Variants in NF2 observed in about 807,000 individuals in gnomAD.
NF2 encodes the protein NF2, moesin-ezrin-radixin like (MERLIN) tumor suppressor, also known as merlin.
Under a neutral mutation model 83.7 loss-of-function variants are expected in NF2, and 8 were observed. The ratio of observed to expected loss-of-function variants is 0.10; its 90% CI spans 0.06 to 0.17. The LOEUF (loss-of-function observed/expected upper bound fraction) is 0.17, where lower values mean the gene tolerates loss of function less well. NF2 is among the 10% of genes least tolerant of loss of function. The pLI is 1.00. For synonymous variants in NF2, 266 were observed against 269.6 expected (o/e 0.99, Z 0.13); for missense variants, 533 against 744.4 (o/e 0.72, Z 3.31).
At chr22:29,664,681 A>G (rs760546837) in intron 8 of NF2, among the ~76,000 whole-genome samples, 1 of 152,226 alleles carries the variant, frequency 6.6e-6, no homozygotes, top group African/African-American at 2.4e-5. Context: ...CCTCGACTAC[A>G]GTAGCCCTCC....
intron 4 of NF2, among the ~76,000 whole-genome samples, chr22:29,653,659 C>A (rs2066218723): frequency 6.6e-6 from 1 of 152,116 alleles, no homozygotes; most frequent in African/African-American, 2.4e-5. Context: ...TAGGCCGCTT[C>A]ATTTGGAGAA....
chr22:29,685,649 G>T (rs1312098880), intron 15 of NF2, among the ~76,000 whole-genome samples: 1 of 152,106 alleles, frequency 6.6e-6, no homozygotes, highest in African/African-American at 2.4e-5. Context: ...GAGCTCAAGT[G>T]ATCTTCCTGC....
rs2147011157 is a variant in NF2, at chr22:29,661,329, G to C, written c.800G>C (p.Ser267Thr). The change falls in exon 8 of 16, where the codon AGT becomes ACT. Residue 267 changes from serine (S) to threonine (T), a missense_variant. Ser to Thr is a moderately conservative substitution (Grantham distance 58, BLOSUM62 1). Transcript: ENST00000338641. ...PWNEIRNISY[S>T]DKEFTIKPLD... ...AATGAAATCCGAAACATCTCGTACA[G>C]TGACAAGGAGGTAGGACATGTGTGT... 2 of 1,614,090 alleles carry C rather than the reference G, an allele frequency of 1.2e-6. No individual in the cohort carries two copies. Among genetic ancestry groups the C allele is most frequent in the Non-Finnish European group, 1.7e-6 (2 of 1,180,038 alleles).
At chr22:29,667,887 A>G (rs2066670839) in intron 9 of NF2, among the ~76,000 whole-genome samples, 1 of 151,668 alleles carries the variant, frequency 6.6e-6, no homozygotes, top group Non-Finnish European at 1.5e-5. Flanking sequence ...TCAAGGGCTT[A>G]ATCTTTGCAT....
chr22:29,665,141 CAG>C, intron 9 of NF2, 77 bp downstream of exon 9: 1 of 1,109,832 alleles, frequency 9.0e-7, no homozygotes, highest in Non-Finnish European at 1.4e-6. Context: ...TAAAGGATAT[CAG>C]AGTGACATCT....
intron 1 of NF2, among the ~76,000 whole-genome samples, chr22:29,632,922 A>G (rs1473343810): frequency 6.6e-6 from 1 of 152,172 alleles, no homozygotes; most frequent in Non-Finnish European, 1.5e-5. Flanking sequence ...GAGCTTGGTC[A>G]TATTCTGGCA....
intron 1 of NF2, among the ~76,000 whole-genome samples, chr22:29,621,531 G>A (rs2065216595): frequency 6.6e-6 from 1 of 152,058 alleles, no homozygotes; most frequent in Non-Finnish European, 1.5e-5. Context: ...GCCGGTTGTG[G>A]TGGTGTGCAC....
chr22:29,618,482 C>G (rs1005633991), intron 1 of NF2, among the ~76,000 whole-genome samples: 2 of 152,126 alleles, frequency 1.3e-5, no homozygotes, highest in Admixed American at 1.3e-4. Flanking sequence ...GAAAAATCTC[C>G]TGCACTACTT....
chr22:29,687,878 A>C (rs910924180), intron 15 of NF2, among the ~76,000 whole-genome samples: 1 of 152,240 alleles, frequency 6.6e-6, no homozygotes, highest in Admixed American at 6.5e-5. Context: ...AAGAAATTGC[A>C]GTGGCGATCT....
intron 10 of NF2, 109 bp from the exon 11 acceptor site, chr22:29,671,717 G>GA: frequency 6.6e-7 from 1 of 1,521,984 alleles, no homozygotes; most frequent in Non-Finnish European, 9.0e-7. Flanking sequence ...GAAAGGGAAG[G>GA]AAAAAGGTCC....
chr22:29,644,774 C>T (rs9808853), intron 4 of NF2, among the ~76,000 whole-genome samples: 6 of 151,936 alleles, frequency 3.9e-5, no homozygotes, highest in African/African-American at 1.2e-4. Context: ...TACGAAAACC[C>T]GTCAGGCGTG....
chr22:29,655,712 T>C, intron 6 of NF2, 36 bp downstream of exon 6: 1 of 1,487,846 alleles, frequency 6.7e-7, no homozygotes, highest in Non-Finnish European at 9.3e-7. Context: ...CATTCCTTTA[T>C]GGGCTTTTTT....
rs989714557 is a variant in NF2, at chr22:29,698,049, G to A, written c.*3247G>A. 1.3e-5 allele frequency: 3 copies of A among 228,152 alleles called. No individual in the cohort carries two copies. The highest frequency in any genetic ancestry group is 4.4e-5 in the African/African-American group (2 of 45,010). The allele number at this position is 228,152 out of a possible 1,614,324, so 14.1% of individuals were successfully genotyped here. On this transcript the variant is annotated 3_prime_UTR_variant, in exon 16 of 16. Coordinates refer to ENST00000338641, the MANE Select transcript of NF2 (RefSeq NM_000268.4). ...GGTCACTGCCCAGCTCATGATGTCC[G>A]TGAGGCTGTCCTTTTGGCCAGTAGC...
intron 4 of NF2, among the ~76,000 whole-genome samples, chr22:29,653,401 G>A (rs1264133947): frequency 1.4e-5 from 2 of 142,446 alleles, no homozygotes; most frequent in Admixed American, 7.3e-5. Context: ...CTGAGATCAC[G>A]CCATTGCACT....
intron 1 of NF2, among the ~76,000 whole-genome samples, chr22:29,616,386 C>T (rs1275707189): frequency 6.6e-6 from 1 of 152,010 alleles, no homozygotes; most frequent in Non-Finnish European, 1.5e-5. Context: ...TGACTGTGTT[C>T]CAAGAAAACT....
At chr22:29,670,524 T>A (rs933314130) in intron 10 of NF2, among the ~76,000 whole-genome samples, 1 of 151,892 alleles carries the variant, frequency 6.6e-6, no homozygotes, top group Non-Finnish European at 1.5e-5. Context: ...TGTGTGTGTG[T>A]GTGTGTGTGT....
At chr22:29,671,989 G>A (rs1327481471) in intron 11 of NF2, 41 bp downstream of exon 11, 1 of 1,613,772 alleles carries the variant, frequency 6.2e-7, no homozygotes, top group African/African-American at 1.3e-5. Flanking sequence ...GCTACTTGGG[G>A]ACTTCCTTGG....
chr22:29,618,444 T>G (rs906732580), intron 1 of NF2, among the ~76,000 whole-genome samples: 4 of 145,266 alleles, frequency 2.8e-5, no homozygotes, highest in African/African-American at 1.0e-4. Flanking sequence ...AGTTCAGACT[T>G]TTTTTCTTTT....
intron 15 of NF2, among the ~76,000 whole-genome samples, chr22:29,690,830 G>T (rs1194348345): frequency 6.6e-6 from 1 of 152,216 alleles, no homozygotes; most frequent in Non-Finnish European, 1.5e-5. Context: ...TGGCAGGAGC[G>T]CTTTGGGTTG....
Sources: gnomAD v4.1 joint callset for allele counts (sites outside exome capture counted in the v4.1 genomes callset) on GRCh38, gnomAD v4.1.1 for gene constraint, MANE v1.5 for transcripts, NCBI Gene and HGNC (gene_info 2026-07-23, HGNC 2026-07-21) for gene names.